ZNF536: variants seen among roughly 807,000 people sequenced by gnomAD.
The protein encoded by ZNF536 is zinc finger protein 536.
A neutral mutation model predicts 84.5 loss-of-function variants in ZNF536; 13 were observed. The observed-to-expected ratio is 0.15, with a 90% CI of 0.10 to 0.24. The LOEUF is 0.24. ZNF536 is among the 10% of genes least tolerant of loss of function. The pLI is 1.00. For synonymous variants in ZNF536, 811 were observed against 742.5 expected (o/e 1.09, Z -1.50); for missense variants, 1,536 against 1,747.5 (o/e 0.88, Z 2.16).
At chr19:30,401,418 C>T (rs561110083) in intron 1 of ZNF536, among the ~76,000 whole-genome samples, 13 of 152,208 alleles carry the variant, frequency 8.5e-5, no homozygotes, top group Non-Finnish European at 1.3e-4. Flanking sequence ...CTCTGGCCTC[C>T]ACCAAGAATG....
At chr19:30,571,198 G>A (rs1013092805) in intron 1 of ZNF536, among the ~76,000 whole-genome samples, 1 of 152,136 alleles carries the variant, frequency 6.6e-6, no homozygotes, top group African/African-American at 2.4e-5. Context: ...TCATTCCTGG[G>A]AGAGGTGGTC....
At chr19:30,696,959 A>G (rs552413961) in intron 1 of ZNF536, among the ~76,000 whole-genome samples, 3 of 152,308 alleles carry the variant, frequency 2.0e-5, no homozygotes, top group South Asian at 2.1e-4. Context: ...CTCTGGACAG[A>G]TGCTGTGCTA....
At chr19:30,544,881 A>T (rs1310497029) in intron 3 of ZNF536, among the ~76,000 whole-genome samples, 1 of 152,186 alleles carries the variant, frequency 6.6e-6, no homozygotes, top group African/African-American at 2.4e-5. Flanking sequence ...AGGAAGAAAA[A>T]GTCCCAAGAC....
At chr19:30,636,128 G>A (rs931617646) in intron 1 of ZNF536, among the ~76,000 whole-genome samples, 19 of 152,352 alleles carry the variant, frequency 1.2e-4, no homozygotes, top group African/African-American at 4.3e-4. Flanking sequence ...GGTGTGGCGT[G>A]TCATCCCTTC....
chr19:30,280,622 C>T (rs1417662067), intron 1 of ZNF536, among the ~76,000 whole-genome samples: 1 of 152,242 alleles, frequency 6.6e-6, no homozygotes, highest in Admixed American at 6.5e-5. Context: ...AGGAAACTCG[C>T]TGGCCTGGAG....
rs1457076259 is a variant in ZNF536, at chr19:30,273,689, C to G, written c.-189-10383C>G. 3.3e-5 allele frequency among the ~76,000 whole-genome samples: 5 copies of G among 152,204 alleles called. No individual in the cohort carries two copies. In the East Asian group the frequency reaches 9.6e-4, roughly 29 times the overall value. The stretch of plus-strand genomic sequence containing the variant: ...AAACTTTCTCCAATGTGTAGCTTGT[C>G]TTTTCATTCTCTTAACCCTTTCTCT... On this transcript the variant is annotated intron_variant, in intron 1 of 5. Coordinates refer to the ZNF536 transcript ENST00000585628.
At chr19:30,709,269 A>T (rs2052366479) in intron 1 of ZNF536, among the ~76,000 whole-genome samples, 1 of 152,118 alleles carries the variant, frequency 6.6e-6, no homozygotes, top group Admixed American at 6.5e-5. Context: ...ACCTTCTTTA[A>T]AACTCATGCT....
chr19:30,704,992 T>C (rs2052167445), intron 1 of ZNF536, among the ~76,000 whole-genome samples: 1 of 151,982 alleles, frequency 6.6e-6, no homozygotes, highest in Non-Finnish European at 1.5e-5. Flanking sequence ...CCCAGTCTTA[T>C]TATCATCAGG....
intron 1 of ZNF536, among the ~76,000 whole-genome samples, chr19:30,384,379 A>G (rs1311193520): frequency 1.7e-5 from 2 of 120,420 alleles, no homozygotes; most frequent in African/African-American, 6.4e-5. Context: ...TTTCTTTCCC[A>G]AAATATTGAT....
intron 1 of ZNF536, among the ~76,000 whole-genome samples, chr19:30,232,037 A>G (rs1263963616): frequency 1.3e-5 from 2 of 151,948 alleles, no homozygotes; most frequent in African/African-American, 2.4e-5. Context: ...AACACAGTCC[A>G]GTTTTCTGAA....
chr19:30,238,184 C>A (rs908789841), intron 1 of ZNF536, among the ~76,000 whole-genome samples: 6 of 152,138 alleles, frequency 3.9e-5, no homozygotes, highest in African/African-American at 1.4e-4. Flanking sequence ...AATAGAAGCC[C>A]CACCAAAGGC....
At chr19:30,520,450 C>T (rs1187991709) in intron 2 of ZNF536, among the ~76,000 whole-genome samples, 2 of 152,154 alleles carry the variant, frequency 1.3e-5, no homozygotes, top group Non-Finnish European at 2.9e-5. Flanking sequence ...GCTTCTTTCT[C>T]CCTGTCATCC....
chr19:30,551,131 CTT>C (rs1252154057), intron 4 of ZNF536, among the ~76,000 whole-genome samples: 5 of 133,502 alleles, frequency 3.7e-5, no homozygotes, highest in Admixed American at 7.5e-5. Flanking sequence ...TGTTTAGAGT[CTT>C]TTTTTTTTTT....
At chr19:30,572,868 C>T (rs1287784174) in intron 1 of ZNF536, among the ~76,000 whole-genome samples, 2 of 152,184 alleles carry the variant, frequency 1.3e-5, no homozygotes, top group African/African-American at 4.8e-5. Context: ...ACATGTATCA[C>T]ATGGATAGAG....
chr19:30,547,836 G>T, intron 3 of ZNF536, 107 bp from the exon 4 acceptor site: 1 of 1,306,278 alleles, frequency 7.7e-7, no homozygotes, highest in Non-Finnish European at 1.0e-6. Context: ...CTAATTATTA[G>T]TTTGAGCTGC....
At chr19:30,709,438 C>T (rs545126453) in intron 1 of ZNF536, among the ~76,000 whole-genome samples, 49 of 152,232 alleles carry the variant, frequency 3.2e-4, no homozygotes, top group Non-Finnish European at 5.0e-4. Context: ...CCCAAACACA[C>T]GCTCCCTTGC....
intron 1 of ZNF536, among the ~76,000 whole-genome samples, chr19:30,635,596 G>A (rs2049037446): frequency 6.6e-6 from 1 of 152,168 alleles, no homozygotes; most frequent in South Asian, 2.1e-4. Context: ...AGTGCAGAAG[G>A]TTCTCTGGAG....
intron 1 of ZNF536, among the ~76,000 whole-genome samples, chr19:30,379,471 G>A (rs990182198): frequency 6.6e-6 from 1 of 151,946 alleles, no homozygotes; most frequent in Non-Finnish European, 1.5e-5. Flanking sequence ...TGTGTTGAAT[G>A]CTTTCTGTGG....
At chr19:30,489,971 A>C (rs539795714) in intron 2 of ZNF536, among the ~76,000 whole-genome samples, 2 of 152,250 alleles carry the variant, frequency 1.3e-5, no homozygotes, top group South Asian at 4.2e-4. Flanking sequence ...AAGGGTGCAC[A>C]CTCTGTTCTT....
Sources: gnomAD v4.1 joint callset for allele counts (sites outside exome capture counted in the v4.1 genomes callset) on GRCh38, gnomAD v4.1.1 for gene constraint, MANE v1.5 for transcripts, NCBI Gene and HGNC (gene_info 2026-07-23, HGNC 2026-07-21) for gene names.